Variants in NCKAP5 observed in about 807,000 individuals in gnomAD.
NCKAP5 encodes NCK associated protein 5.
NCKAP5 carries 92 observed loss-of-function variants against 167.0 expected under a neutral mutation model. The ratio of observed to expected loss-of-function variants is 0.55; its 90% CI spans 0.47 to 0.66. The LOEUF (loss-of-function observed/expected upper bound fraction) is 0.66, where lower values mean the gene tolerates loss of function less well. NCKAP5 is among the 30% of genes least tolerant of loss of function. The probability of loss-of-function intolerance (pLI) is 0.00; values close to 1 mark genes in which losing one functional copy is unlikely to be tolerated. For missense variants in NCKAP5, 2,378 were observed against 2,315.0 expected, an observed-to-expected ratio of 1.03 and a Z score of -0.56; for synonymous variants, 891 against 877.4, an observed-to-expected ratio of 1.02 and a Z score of -0.27.
At chr2:133,478,822 G>A (rs1002767662) in intron 3 of NCKAP5, among the ~76,000 whole-genome samples, 1 of 151,768 alleles carries the variant, frequency 6.6e-6, no homozygotes, top group African/African-American at 2.4e-5. Context: ...AGAATACCTC[G>A]CACAAGATAA....
intron 3 of NCKAP5, among the ~76,000 whole-genome samples, chr2:133,417,123 TAAA>T (rs55760727): frequency 6.5e-5 from 9 of 139,356 alleles, no homozygotes; most frequent in African/African-American, 1.0e-4. Flanking sequence ...GAAAGTATGT[TAAA>T]AAAAAAAAAA....
chr2:133,541,503 C>T (rs887148655), intron 2 of NCKAP5, among the ~76,000 whole-genome samples: 1 of 152,050 alleles, frequency 6.6e-6, no homozygotes, highest in African/African-American at 2.4e-5. Flanking sequence ...TCATTATATG[C>T]TCATACAGCC....
chr2:132,729,062 C>G (rs1690738886), intron 17 of NCKAP5, 110 bp from the exon 18 acceptor site: 1 of 1,435,114 alleles, frequency 7.0e-7, no homozygotes, highest in African/African-American at 1.4e-5. Flanking sequence ...GGTCCAAATA[C>G]AGTGAAAGCT....
At chr2:133,404,674 G>A (rs527641577) in intron 3 of NCKAP5, among the ~76,000 whole-genome samples, 12 of 152,270 alleles carry the variant, frequency 7.9e-5, no homozygotes, top group African/African-American at 2.9e-4. Context: ...TGTAAAAGCA[G>A]AAAAATGATA....
intron 3 of NCKAP5, among the ~76,000 whole-genome samples, chr2:133,500,512 A>G (rs1682408828): frequency 6.6e-6 from 1 of 152,228 alleles, no homozygotes; most frequent in Admixed American, 6.5e-5. Context: ...TTAATCTCAA[A>G]TACCAAAATT....
At chr2:133,645,458 G>A in the NCKAP5 span, among the ~76,000 whole-genome samples, 1 of 152,022 alleles carries the variant, frequency 6.6e-6, no homozygotes, top group African/African-American at 2.4e-5. Flanking sequence ...TTAAAATATA[G>A]ATGTACAGTT....
chr2:133,194,555 T>C (rs1469482592), intron 5 of NCKAP5, among the ~76,000 whole-genome samples: 2 of 152,058 alleles, frequency 1.3e-5, no homozygotes, highest in Non-Finnish European at 2.9e-5. Flanking sequence ...TTTTTATTTC[T>C]ACTATTCCAA....
chr2:133,462,335 C>T (rs1330347188), intron 3 of NCKAP5, among the ~76,000 whole-genome samples: 1 of 152,132 alleles, frequency 6.6e-6, no homozygotes, highest in Non-Finnish European at 1.5e-5. Context: ...GTCTTGGTGC[C>T]CACTTTCTTT....
chr2:133,003,233 AT>A (rs2077849234), intron 6 of NCKAP5, among the ~76,000 whole-genome samples: 1 of 152,136 alleles, frequency 6.6e-6, no homozygotes, highest in Admixed American at 6.5e-5. Context: ...TGAAGAACAT[AT>A]TTTGCATTGC....
At position 132,783,680 on chromosome 2, in the gene NCKAP5, C is replaced by A. The variant is rs1012381637; in HGVS notation, c.3131G>T (p.Gly1044Val). 6.2e-7 allele frequency: 1 copy of A among 1,613,832 alleles called. No individual in the cohort carries two copies. The highest frequency in any genetic ancestry group is 1.3e-5 in the African/African-American group (1 of 75,002). Residue 1044 changes from glycine to valine, a missense_variant, in exon 14 of 20, where the codon GGT becomes GTT. Around this residue, in one of 3 missense-constraint regions of NCKAP5, gnomAD observed 1,325 missense variants for 1,274.5 expected, o/e 1.04. Transcript: ENST00000409261. ...LGPPKVSPKR[G>V]VPKTSPRQTL... ...TTGGCGAGGAGAGGTTTTGGGGACA[C>A]CTCTCTTCGGAGAGACCTTTGGAGG...
chr2:133,369,792 G>A (rs1685683152), intron 3 of NCKAP5, among the ~76,000 whole-genome samples: 1 of 152,214 alleles, frequency 6.6e-6, no homozygotes, highest in Non-Finnish European at 1.5e-5. Context: ...CGAGAAAAAA[G>A]AGAGGTTATA....
rs564962539 is a variant in NCKAP5, at chr2:133,494,079, T to C, written c.69+23379A>G. 2.6e-5 allele frequency among the ~76,000 whole-genome samples: 4 copies of C among 152,348 alleles called. No homozygotes were observed. The East Asian group carries it at 7.7e-4, about 29-fold the overall frequency. Reference sequence around the variant, plus strand: ...ATGTGGAACTCATGCTTTGGCCTTTTTGTTCAGAGACAGTGCCGTTGCACT... The same window carrying C: ...ATGTGGAACTCATGCTTTGGCCTTTCTGTTCAGAGACAGTGCCGTTGCACT... On this transcript the variant is annotated intron_variant, in intron 3 of 19. Transcript: ENST00000409261.
chr2:133,514,982 G>C (rs1460008924), intron 3 of NCKAP5, among the ~76,000 whole-genome samples: 1 of 152,016 alleles, frequency 6.6e-6, no homozygotes, highest in Non-Finnish European at 1.5e-5. Context: ...GTAATGCCAG[G>C]TTTGTTGTTC....
At chr2:133,640,571 T>C in the NCKAP5 span, among the ~76,000 whole-genome samples, 1 of 152,236 alleles carries the variant, frequency 6.6e-6, no homozygotes, top group African/African-American at 2.4e-5. Context: ...GCTCATTTTC[T>C]AATAAACTAA....
rs559493046 is a variant in NCKAP5, at chr2:133,307,567, A to G, written c.70-4457T>C. Among the ~76,000 whole-genome samples the G allele has an allele frequency of 1.3e-4, 20 of 152,334 alleles. 1 individual carries two copies. In the East Asian group the frequency reaches 3.1e-3, roughly 23 times the overall value. On this transcript the variant is annotated intron_variant, in intron 3 of 19. Transcript: ENST00000409261. ...ATAGCTCAACAAGGAGCAAAACCAC[A>G]TAGCTCCATAGCTTCCAGCCACCCC...
chr2:133,225,313 C>T (rs138115299), intron 4 of NCKAP5, among the ~76,000 whole-genome samples: 18 of 152,244 alleles, frequency 1.2e-4, no homozygotes, highest in African/African-American at 3.1e-4. Context: ...AAGGGGGTGA[C>T]GATAGCCCTT....
At position 132,680,331 on chromosome 2, in the gene NCKAP5, T is replaced by G. The variant is rs7565011; in HGVS notation, c.5714-7026A>C. 4.5e-3 allele frequency among the ~76,000 whole-genome samples: 684 copies of G among 152,286 alleles called. 4 individuals carry two copies. The highest frequency in any genetic ancestry group is 0.016 in the African/African-American group (653 of 41,572). On this transcript the variant is annotated intron_variant, in intron 19 of 19. Transcript: ENST00000409261. ...GTTTTCTTACTGGGGTCCTAGAGAT[T>G]CTTCAGTATCCTCAGGGCAAACAGA... is the stretch of plus-strand genomic sequence containing the variant.
rs774378340 is a variant in NCKAP5, at chr2:133,364,083, C to A, written c.70-60973G>T. The stretch of plus-strand genomic sequence containing the variant: ...GTATCATCATCATCATCATCATCAT[C>A]GTCATCATCTAATCATCATTATTAT... On this transcript the variant is annotated intron_variant, in intron 3 of 19. Transcript: ENST00000409261. 2.0e-5 allele frequency among the ~76,000 whole-genome samples: 3 copies of A among 152,106 alleles called. No individual in the cohort carries two copies. In the East Asian group the frequency reaches 5.8e-4, roughly 29 times the overall value.
chr2:133,620,080 A>G, the NCKAP5 span, among the ~76,000 whole-genome samples: 3 of 152,026 alleles, frequency 2.0e-5, no homozygotes, highest in Non-Finnish European at 4.4e-5. Context: ...CAAGCCTGCT[A>G]AAAGGAGATG....
Sources: gnomAD v4.1 joint callset for allele counts (sites outside exome capture counted in the v4.1 genomes callset) on GRCh38, gnomAD v4.1.1 for gene constraint, gnomAD v4.1.1 regional missense constraint, MANE v1.5 for transcripts, NCBI Gene and HGNC (gene_info 2026-07-23, HGNC 2026-07-21) for gene names.